TMEM164: variants seen among roughly 807,000 people sequenced by gnomAD.
TMEM164 encodes the protein RP13-360B22.2.
A neutral mutation model predicts 18.8 loss-of-function variants in TMEM164; 4 were observed. The observed-to-expected ratio is 0.21, with a 90% CI of 0.10 to 0.49. The LOEUF is 0.49. Among genes scored for constraint, TMEM164 ranks in the 20% least tolerant of loss-of-function variants. The probability of loss-of-function intolerance (pLI) is 0.98; values close to 1 mark genes in which losing one functional copy is unlikely to be tolerated. For synonymous variants in TMEM164, 86 were observed against 101.7 expected (o/e 0.85, Z 0.93); for missense variants, 108 against 239.9 (o/e 0.45, Z 3.63).
intron 4 of TMEM164, among the ~76,000 whole-genome samples, chrX:110,125,108 T>A (rs981530463): frequency 8.9e-6 from 1 of 112,171 alleles, no homozygotes; most frequent in Non-Finnish European, 1.9e-5. Context: ...CATTGTAAAA[T>A]GAGGACGGTC....
intron 2 of TMEM164, among the ~76,000 whole-genome samples, chrX:110,041,082 T>C (rs1935069484): frequency 8.9e-6 from 1 of 112,306 alleles, no homozygotes; most frequent in Admixed American, 9.4e-5. Flanking sequence ...GCTTCTGTTA[T>C]GGTTTTACTT....
chrX:110,169,862 C>T (rs2067206651), intron 5 of TMEM164, among the ~76,000 whole-genome samples: 1 of 111,158 alleles, frequency 9.0e-6, no homozygotes, highest in South Asian at 3.8e-4. Context: ...GTGGGCTTTT[C>T]AGTTTGACAG....
intron 4 of TMEM164, among the ~76,000 whole-genome samples, chrX:110,116,252 C>T (rs1489344947): frequency 8.9e-6 from 1 of 112,232 alleles, no homozygotes; most frequent in Non-Finnish European, 1.9e-5. Flanking sequence ...TCATAAGAAA[C>T]CCATTTTACA....
intron 4 of TMEM164, among the ~76,000 whole-genome samples, chrX:110,116,856 G>A (rs973648155): frequency 2.5e-4 from 26 of 103,149 alleles, no homozygotes; most frequent in African/African-American, 4.3e-4. Flanking sequence ...GTGTGTGCGC[G>A]TGTGCGTGTG....
chrX:110,169,211 A>T (rs1020143704), intron 5 of TMEM164, among the ~76,000 whole-genome samples: 24 of 111,690 alleles, frequency 2.1e-4, no homozygotes, highest in Non-Finnish European at 4.3e-4. Context: ...ACTTGGCCTC[A>T]TCATTTCCCT....
At chrX:110,145,155 A>G (rs2066835019) in intron 5 of TMEM164, among the ~76,000 whole-genome samples, 1 of 111,072 alleles carries the variant, frequency 9.0e-6, no homozygotes, top group African/African-American at 3.3e-5. Flanking sequence ...TGATGGTGGC[A>G]TTGTGTTTGC....
chrX:110,116,175 G>A (rs1011211001), intron 4 of TMEM164, among the ~76,000 whole-genome samples: 1 of 112,104 alleles, frequency 8.9e-6, no homozygotes, highest in African/African-American at 3.2e-5. Flanking sequence ...ATGGGAAAAA[G>A]ATTAATATTA....
intron 2 of TMEM164, among the ~76,000 whole-genome samples, chrX:110,053,877 T>A (rs1935690273): frequency 8.9e-6 from 1 of 112,141 alleles, no homozygotes; most frequent in Non-Finnish European, 1.9e-5. Flanking sequence ...CCGTCTTCCC[T>A]TCTCTTCCAG....
rs753581828 is a variant in TMEM164 at position 110,147,726 on chromosome X, ACTT to A, written c.586+2854_586+2856del. On this transcript the variant is annotated intron_variant, in intron 5 of 6. Coordinates refer to ENST00000372068, the MANE Select transcript of TMEM164 (RefSeq NM_032227.4). The stretch of plus-strand genomic sequence containing the variant: ...ATAATTTGAGCCAACATCCTGAGAG[ACTT>A]CTTGTAAGGACCACCCATCCACCCC... Among the ~76,000 whole-genome samples the A allele has an allele frequency of 9.1e-5, 10 of 110,100 alleles. No homozygotes were observed. The East Asian group carries it at 1.7e-3, about 19-fold the overall frequency.
intron 4 of TMEM164, among the ~76,000 whole-genome samples, chrX:110,110,416 A>G (rs2066274675): frequency 8.9e-6 from 1 of 112,193 alleles, no homozygotes; most frequent in South Asian, 3.7e-4. Flanking sequence ...TACGTACCTT[A>G]TAAGTACCCA....
intron 2 of TMEM164, among the ~76,000 whole-genome samples, chrX:110,038,280 C>T (rs1225562549): frequency 3.6e-5 from 4 of 110,975 alleles, no homozygotes; most frequent in Non-Finnish European, 7.6e-5. Context: ...CGTGAGCCAC[C>T]GCGCCCGGCC....
rs1201258769 is a variant in TMEM164 at position 110,176,180 on chromosome X, T to C, written c.*2729T>C. On this transcript the variant is annotated 3_prime_UTR_variant, in exon 7 of 7. Coordinates refer to ENST00000372068, the MANE Select transcript of TMEM164 (RefSeq NM_032227.4). The stretch of plus-strand genomic sequence containing the variant: ...AAATGGCCTTAGGAAGGGAAAAGAG[T>C]ACTCCCTCCAGCCCCTAGGTAGCCT... 2 of 754,356 alleles carry C rather than the reference T, an allele frequency of 2.7e-6. No homozygotes were observed. The highest frequency in any genetic ancestry group is 4.6e-5 in the African/African-American group (2 of 43,072). The allele number at this position is 754,356 out of a possible 1,213,427, so 62.2% of individuals were successfully genotyped here. A position where few individuals can be genotyped will look rare whatever the true frequency, so the allele number is the denominator to read the frequency against.
intron 2 of TMEM164, among the ~76,000 whole-genome samples, chrX:110,062,637 T>C (rs1298018613): frequency 9.0e-6 from 1 of 111,617 alleles, no homozygotes; most frequent in African/African-American, 3.3e-5. Context: ...AGGATATTGG[T>C]TGAGTAAATT....
In TMEM164 at chrX:110,165,959, C is replaced by A. The variant is rs186483422; in HGVS notation, c.587-5461C>A. Among the ~76,000 whole-genome samples, 466 of 112,162 alleles carry A rather than the reference C, an allele frequency of 4.2e-3. 5 individuals carry two copies. Among genetic ancestry groups the A allele is most frequent in the African/African-American group, 0.014 (445 of 30,836 alleles). On this transcript the variant is annotated intron_variant, in intron 5 of 6. Coordinates refer to ENST00000372068, the MANE Select transcript of TMEM164 (RefSeq NM_032227.4). Reference sequence around the variant, plus strand: ...GAAACATAAATTTGACCTTTTTATTCTCCTTGTTAAAACCTTTTAGTGGCT... The same window carrying A: ...GAAACATAAATTTGACCTTTTTATTATCCTTGTTAAAACCTTTTAGTGGCT...
intron 2 of TMEM164, among the ~76,000 whole-genome samples, chrX:110,022,895 C>G (rs1047854568): frequency 8.9e-6 from 1 of 112,009 alleles, no homozygotes; most frequent in African/African-American, 3.2e-5. Context: ...TCAAGCCCGT[C>G]GTTTTGCAGA....
At chrX:110,029,125 A>C (rs1421956026) in intron 2 of TMEM164, among the ~76,000 whole-genome samples, 1 of 111,263 alleles carries the variant, frequency 9.0e-6, no homozygotes, top group Non-Finnish European at 1.9e-5. Context: ...CCAGGGAAGA[A>C]ACACCCTTAA....
chrX:110,155,257 G>T (rs2067001219), intron 5 of TMEM164, among the ~76,000 whole-genome samples: 1 of 110,742 alleles, frequency 9.0e-6, no homozygotes, highest in Non-Finnish European at 1.9e-5. Context: ...TACTTCTCTG[G>T]TTCTTTCTCC....
downstream of TMEM164, among the ~76,000 whole-genome samples, chrX:110,179,194 T>C (rs2067313503): frequency 1.8e-5 from 2 of 111,334 alleles, no homozygotes; most frequent in Admixed American, 9.4e-5. Flanking sequence ...TTGTGTCCTT[T>C]CCCCATGGGT....
intron 2 of TMEM164, 142 bp from the exon 3 acceptor site, chrX:110,067,203 CAT>C (rs749234723): frequency 2.3e-5 from 12 of 532,737 alleles, no homozygotes; most frequent in Middle Eastern, 4.0e-4. Flanking sequence ...CAAGCACAAA[CAT>C]GTACCTGTTG....
Sources: gnomAD v4.1 joint callset for allele counts (sites outside exome capture counted in the v4.1 genomes callset) on GRCh38, gnomAD v4.1.1 for gene constraint, MANE v1.5 for transcripts, NCBI Gene and HGNC (gene_info 2026-07-23, HGNC 2026-07-21) for gene names.